WASHC3: variants seen among roughly 807,000 people sequenced by gnomAD.
WASHC3 encodes the protein WASH complex subunit 3.
A neutral mutation model predicts 26.1 loss-of-function variants in WASHC3; 24 were observed. The observed-to-expected ratio is 0.92, with a 90% confidence interval of 0.66 to 1.29. WASHC3 has a LOEUF of 1.29. WASHC3 is among the 50% of genes most tolerant of loss of function. WASHC3 has a pLI of 0.00. For synonymous variants in WASHC3, 77 were observed against 75.7 expected (o/e 1.02, Z -0.09); for missense variants, 214 against 229.6 (o/e 0.93, Z 0.44).
chr12:102,026,271 TATTCATTACTAATTCTGCTGTA>T (rs1877183757), intron 5 of WASHC3, among the ~76,000 whole-genome samples: 1 of 152,152 alleles, frequency 6.6e-6, no homozygotes, highest in Non-Finnish European at 1.5e-5. Context: ...CATTTGAGCT[TATTCATTACTAATTCTGCTGTA>T]TACAGAACAG....
intron 5 of WASHC3, among the ~76,000 whole-genome samples, chr12:102,028,035 A>C (rs1877274031): frequency 6.6e-6 from 1 of 152,078 alleles, no homozygotes; most frequent in African/African-American, 2.4e-5. Context: ...TAGGTTTGGA[A>C]GTCAAAGAAG....
rs578049004 is a variant in WASHC3, at chr12:102,021,999, T to C, written c.500+3975A>G. Reference sequence around the variant, plus strand: ...TATAAATGTCTTTTGGATAGATATATCCAGGAGAAATGCCAACTGAGCTGG... The same window carrying C: ...TATAAATGTCTTTTGGATAGATATACCCAGGAGAAATGCCAACTGAGCTGG... On this transcript the variant is annotated intron_variant, in intron 6 of 6. Coordinates refer to ENST00000240079, the MANE Select transcript of WASHC3 (RefSeq NM_016053.4). 2.0e-5 allele frequency among the ~76,000 whole-genome samples: 3 copies of C among 152,294 alleles called. No homozygotes were observed. The East Asian group carries it at 5.8e-4, about 29-fold the overall frequency.
intron 2 of WASHC3, among the ~76,000 whole-genome samples, chr12:102,054,084 T>C (rs77614593): frequency 0.059 from 8,991 of 151,982 alleles, 394 homozygotes; most frequent in Non-Finnish European, 0.086. Flanking sequence ...TAATAGTAAA[T>C]ACACAAAAGA....
chr12:102,033,246 C>A (rs1877508123), intron 5 of WASHC3, among the ~76,000 whole-genome samples: 2 of 152,054 alleles, frequency 1.3e-5, no homozygotes, highest in African/African-American at 2.4e-5. Context: ...GTTTTTGTAA[C>A]CCGCAAGACT....
chr12:102,048,417 T>A (rs962416138), intron 2 of WASHC3: 2 of 152,026 alleles, frequency 1.3e-5, no homozygotes, highest in African/African-American at 4.8e-5. Flanking sequence ...CAAAAAAAAT[T>A]AGCCAAGTGT....
At chr12:102,039,786 G>GA (rs1877862649) in intron 5 of WASHC3, 82 bp downstream of exon 5, 23 of 572,116 alleles carry the variant, frequency 4.0e-5, no homozygotes, top group Middle Eastern at 4.9e-4. Context: ...TTCTCAGATT[G>GA]AAAAAAATAA....
At chr12:102,060,781 C>T (rs532071755) in intron 2 of WASHC3, among the ~76,000 whole-genome samples, 1 of 151,910 alleles carries the variant, frequency 6.6e-6, no homozygotes, top group African/African-American at 2.4e-5. Flanking sequence ...CATGTTGGAA[C>T]CCCGTTTCTA....
intron 5 of WASHC3, among the ~76,000 whole-genome samples, chr12:102,038,123 T>C (rs1391701361): frequency 6.6e-6 from 1 of 152,148 alleles, no homozygotes; most frequent in Admixed American, 6.5e-5. Flanking sequence ...TGTATATTTA[T>C]GACTGAAAAG....
Position 102,044,886 on chromosome 12 carries a change from C to T in WASHC3, c.217-674G>A, listed in dbSNP as rs913748558. On this transcript the variant is annotated intron_variant, in intron 3 of 6. Transcript: ENST00000240079. ...GATCTGCGAGACCCATACAAACCTT[C>T]TTTTCTGAGTTCATCCTGATATCAA... Among the ~76,000 whole-genome samples the T allele has an allele frequency of 3.9e-5, 6 of 152,264 alleles. No individual in the cohort carries two copies. In the South Asian group the frequency reaches 1.2e-3, roughly 32 times the overall value.
intron 2 of WASHC3, among the ~76,000 whole-genome samples, chr12:102,057,891 C>A (rs1248284267): frequency 1.3e-5 from 2 of 151,702 alleles, no homozygotes; most frequent in East Asian, 1.9e-4. Context: ...AATATTTTCA[C>A]AGTAATAGAA....
chr12:102,040,008 G>C, intron 4 of WASHC3, 30 bp from the exon 5 acceptor site: 3 of 1,065,478 alleles, frequency 2.8e-6, no homozygotes, highest in South Asian at 3.3e-5. Context: ...TAAATCTTTA[G>C]ACAATTTACA....
chr12:102,022,399 T>A (rs1220435739), intron 6 of WASHC3, among the ~76,000 whole-genome samples: 1 of 152,238 alleles, frequency 6.6e-6, no homozygotes, highest in Admixed American at 6.5e-5. Flanking sequence ...CATTTACTGC[T>A]TATCCAGAGC....
intron 6 of WASHC3, among the ~76,000 whole-genome samples, chr12:102,023,088 A>G (rs1399568880): frequency 6.6e-6 from 1 of 152,108 alleles, no homozygotes; most frequent in Non-Finnish European, 1.5e-5. Context: ...ATCAAATCCA[A>G]TATTTATTTA....
At chr12:102,022,364 T>C (rs1045056629) in intron 6 of WASHC3, among the ~76,000 whole-genome samples, 2 of 152,210 alleles carry the variant, frequency 1.3e-5, no homozygotes, top group African/African-American at 4.8e-5. Flanking sequence ...AAAACATTCA[T>C]AAATCACAAC....
chr12:102,016,527 C>T (rs890918851), intron 6 of WASHC3, among the ~76,000 whole-genome samples: 1 of 152,000 alleles, frequency 6.6e-6, no homozygotes, highest in Non-Finnish European at 1.5e-5. Context: ...TTAGAGGGTA[C>T]TCCTACTTAC....
Position 102,032,647 on chromosome 12 carries a change from T to C in WASHC3, c.436-6609A>G, listed in dbSNP as rs1256797557. 2.6e-5 allele frequency among the ~76,000 whole-genome samples: 4 copies of C among 152,236 alleles called. No individual in the cohort carries two copies. In the East Asian group the frequency reaches 7.7e-4, roughly 29 times the overall value. On this transcript the variant is annotated intron_variant, in intron 5 of 6. Transcript: ENST00000240079. ...GTGTTCCAGGAACATTCATTAGTAA[T>C]GAGATCCAAATTTGGGGATCAATTA... is the stretch of plus-strand genomic sequence containing the variant.
chr12:102,027,557 T>C (rs1877250762), intron 5 of WASHC3, among the ~76,000 whole-genome samples: 1 of 152,146 alleles, frequency 6.6e-6, no homozygotes, highest in Non-Finnish European at 1.5e-5. Context: ...TAATCCTCAT[T>C]TTTTTAATAA....
chr12:102,025,921 T>C (rs1237286646), intron 6 of WASHC3, 53 bp downstream of exon 6: 2 of 889,620 alleles, frequency 2.2e-6, no homozygotes, highest in Non-Finnish European at 3.6e-6. Context: ...TTATTATAAC[T>C]GACAAATTCA....
intron 5 of WASHC3, among the ~76,000 whole-genome samples, chr12:102,035,947 G>A (rs185086479): frequency 9.2e-5 from 14 of 152,344 alleles, no homozygotes; most frequent in African/African-American, 3.1e-4. Context: ...GCAATCGTAG[G>A]AGCATGTTAG....
Sources: allele counts gnomAD v4.1 joint callset (sites outside exome capture counted in the v4.1 genomes callset), GRCh38; gene constraint gnomAD v4.1.1; transcripts MANE v1.5; gene names NCBI Gene and HGNC (gene_info 2026-07-23, HGNC 2026-07-21).